ENOSF1: variants seen among roughly 807,000 people sequenced by gnomAD.
The protein encoded by ENOSF1 is mitochondrial enolase superfamily member 1.
ENOSF1 carries 73 observed loss-of-function variants against 68.2 expected under a neutral mutation model. That is an observed-to-expected ratio of 1.07 (90% CI 0.89 to 1.30). ENOSF1 has a LOEUF of 1.30. Among genes scored for constraint, ENOSF1 ranks in the 50% most tolerant of loss-of-function variants. ENOSF1 has a pLI of 0.00. For synonymous variants in ENOSF1, 223 were observed against 210.4 expected (o/e 1.06, Z -0.52); for missense variants, 589 against 554.5 (o/e 1.06, Z -0.62).
chr18:668,248 T>TTA (rs1449126365), downstream of ENOSF1, among the ~76,000 whole-genome samples: 4 of 150,814 alleles, frequency 2.7e-5, no homozygotes, highest in Non-Finnish European at 5.9e-5. Context: ...ATCTTTGATG[T>TTA]TACCTTTTTC....
intron 1 of ENOSF1, 54 bp from the exon 2 acceptor site, chr18:706,632 G>A: frequency 7.6e-7 from 1 of 1,316,824 alleles, no homozygotes; most frequent in African/African-American, 1.4e-5. Context: ...AACCCGAAAA[G>A]AACCATGAGA....
At position 704,351 on chromosome 18, in the gene ENOSF1, C is replaced by T. The variant is rs756781404; in HGVS notation, c.193+2119G>A. 5.4e-5 allele frequency among the ~76,000 whole-genome samples: 8 copies of T among 147,000 alleles called. No individual in the cohort carries two copies. The Admixed American group carries it at 5.6e-4, about 10-fold the overall frequency. On this transcript the variant is annotated intron_variant, in intron 2 of 15. Coordinates refer to ENST00000647584, the MANE Select transcript of ENOSF1 (RefSeq NM_017512.7). ...GGCTGAGGCATAAGAATTGCTTGAA[C>T]CCGGGAGGTGGAGGTTGTAGTGAGC...
chr18:700,779 T>C (rs1182059905), intron 2 of ENOSF1, among the ~76,000 whole-genome samples: 1 of 146,958 alleles, frequency 6.8e-6, no homozygotes, highest in Non-Finnish European at 1.5e-5. Flanking sequence ...CAGCTACTTG[T>C]GGGGGCTGAG....
chr18:678,457 A>G (rs1568020409), intron 12 of ENOSF1: 4 of 511,374 alleles, frequency 7.8e-6, no homozygotes, highest in Non-Finnish European at 1.0e-5. Context: ...TTCAATTTCA[A>G]TTAGACACTT....
Position 697,325 on chromosome 18 carries a change from T to C in ENOSF1, c.224A>G (p.His75Arg), listed in dbSNP as rs1361498328. 1.2e-6 allele frequency: 2 copies of C among 1,613,966 alleles called. No individual in the cohort carries two copies. The highest frequency in any genetic ancestry group is 1.7e-5 in the Admixed American group (1 of 59,998). ...GTCCTTGAGGTCCTTGTTGAGCACA[T>C]GGTGGGCGAGGGCATTCACAGCACA... ...VVCAVNALAH[H>R]VLNKDLKDIV... Residue 75 changes from histidine to arginine, a missense_variant, in exon 3 of 16, where the codon CAT becomes CGT. Transcript: ENST00000647584.
At position 672,150 on chromosome 18, in the gene ENOSF1, C is replaced by T. The variant is rs1313885646; in HGVS notation, c.*2155G>A. On this transcript the variant is annotated 3_prime_UTR_variant, in exon 16 of 16. Coordinates refer to ENST00000647584, the MANE Select transcript of ENOSF1 (RefSeq NM_017512.7). ...AAACTTCAAAAGTCTGTTGAAATCC[C>T]TAAGTTATAGCAGCCAACAATTGAT... The T allele has an allele frequency of 6.6e-6, 1 of 152,198 alleles. No individual in the cohort carries two copies. The highest frequency in any genetic ancestry group is 1.5e-5 in the Non-Finnish European group (1 of 68,050). The allele number at this position is 152,198 out of a possible 1,614,324, so 9.4% of individuals were successfully genotyped here. A position where few individuals can be genotyped will look rare whatever the true frequency, so the allele number is the denominator to read the frequency against.
rs759853185 is a variant in ENOSF1 at position 672,963 on chromosome 18, C to T, written c.*1342G>A. On this transcript the variant is annotated 3_prime_UTR_variant, in exon 16 of 16. Transcript: ENST00000647584. ...GACTTTCAGATTGAAGGGTACAATC[C>T]GCATCCAACTATTAAAATGGAAATG... 12 of 1,577,012 alleles carry T rather than the reference C, an allele frequency of 7.6e-6. No homozygotes were observed. The highest frequency in any genetic ancestry group is 2.3e-5 in the East Asian group (1 of 44,284).
chr18:690,975 T>C (rs1323043450), intron 7 of ENOSF1, 93 bp downstream of exon 7: 2 of 1,429,840 alleles, frequency 1.4e-6, no homozygotes, highest in Non-Finnish European at 2.0e-6. Context: ...GCACAGGGCA[T>C]TTGGGAAGAC....
intron 2 of ENOSF1, among the ~76,000 whole-genome samples, chr18:704,716 G>A (rs771686726): frequency 1.3e-5 from 2 of 150,098 alleles, no homozygotes; most frequent in Admixed American, 6.7e-5. Flanking sequence ...AGCAATTCTC[G>A]TGCTTCAGCC....
rs557528094 is a variant in ENOSF1, at chr18:673,184, A to G, written c.*1121T>C. 92 of 547,694 alleles carry G rather than the reference A, an allele frequency of 1.7e-4. No homozygotes were observed. Among genetic ancestry groups the G allele is most frequent in the Admixed American group, 1.0e-3 (30 of 29,306 alleles). 33.9% of individuals were successfully genotyped at this position (547,694 alleles called of 1,614,324 possible). ...TAACTGTGCCAGTTCTTTCCATAAT[A>G]AAAGGCTTTGAGTTAACTCACTGAG... On this transcript the variant is annotated 3_prime_UTR_variant, in exon 16 of 16. Coordinates refer to ENST00000647584, the MANE Select transcript of ENOSF1 (RefSeq NM_017512.7).
intron 9 of ENOSF1, 70 bp downstream of exon 9, chr18:688,504 C>A (rs991515723): frequency 3.1e-6 from 5 of 1,610,406 alleles, no homozygotes; most frequent in South Asian, 2.2e-5. Flanking sequence ...TGGCTCCCTG[C>A]CAGGAGAGAC....
At position 683,290 on chromosome 18, in the gene ENOSF1, G is replaced by C; in HGVS notation, c.832C>G (p.Pro278Ala). The change falls in exon 11 of 16, where the codon CCA becomes GCA. Residue 278 changes from proline (P) to alanine (A), a missense_variant. Coordinates refer to ENST00000647584, the MANE Select transcript of ENOSF1 (RefSeq NM_017512.7). ...CCCAGAATGTCATCAGGGGAGGTTGGCTCCTCAATCCACAATGGCTTGAAC... is the reference window on the plus strand; with the variant it reads ...CCCAGAATGTCATCAGGGGAGGTTGCCTCCTCAATCCACAATGGCTTGAAC... ...AKFKPLWIEE[P>A]TSPDDILGHA... 1 of 1,614,036 alleles carries C rather than the reference G, an allele frequency of 6.2e-7. No homozygotes were observed. Among genetic ancestry groups the C allele is most frequent in the Non-Finnish European group, 8.5e-7 (1 of 1,179,992 alleles).
intron 5 of ENOSF1, 83 bp downstream of exon 5, chr18:693,799 A>T: frequency 6.3e-7 from 1 of 1,598,748 alleles, no homozygotes. Flanking sequence ...TCCTGAATAT[A>T]TTTACTGATC....
rs74348141 is a variant in ENOSF1, at chr18:703,216, G to A, written c.193+3254C>T. Among the ~76,000 whole-genome samples, 31 of 152,226 alleles carry A rather than the reference G, an allele frequency of 2.0e-4. No individual in the cohort carries two copies. The East Asian group carries it at 5.8e-3, about 28-fold the overall frequency. ...GAGACATCCACCAAGACAGCGGTGTGGGGCTGGGAATGGAGGAGGAGAGGG... is the reference window on the plus strand; with the variant it reads ...GAGACATCCACCAAGACAGCGGTGTAGGGCTGGGAATGGAGGAGGAGAGGG... On this transcript the variant is annotated intron_variant, in intron 2 of 15. Coordinates refer to ENST00000647584, the MANE Select transcript of ENOSF1 (RefSeq NM_017512.7).
rs1379928586 is a variant in ENOSF1, at chr18:670,989, G to GT, written c.*3315dup. 6 of 1,243,164 alleles carry GT rather than the reference G, an allele frequency of 4.8e-6. No individual in the cohort carries two copies. The highest frequency in any genetic ancestry group is 6.6e-6 in the Non-Finnish European group (6 of 906,396). The allele number at this position is 1,243,164 out of a possible 1,614,324, so 77.0% of individuals were successfully genotyped here. On this transcript the variant is annotated 3_prime_UTR_variant, in exon 16 of 16. Transcript: ENST00000647584. ...TAGCTTTTAAATTTGATATGTGTAAGTAAGAAATGAACCAGCTTTTACTTT... is the reference window on the plus strand; with the variant it reads ...TAGCTTTTAAATTTGATATGTGTAAGTTAAGAAATGAACCAGCTTTTACTTT...
At chr18:695,300 A>G (rs2077602734) in intron 3 of ENOSF1, among the ~76,000 whole-genome samples, 1 of 152,212 alleles carries the variant, frequency 6.6e-6, no homozygotes, top group Admixed American at 6.5e-5. Flanking sequence ...ATTTTTTGGC[A>G]TCAATACTAC....
chr18:671,047 C>T lies in ENOSF1; in HGVS notation c.*3258G>A, dbSNP rs1362867432. ...TCCTCTTCTGGAAGGTTTTCTGGCC[C>T]TGTGGTATACGCACTAACAGATCTA... On this transcript the variant is annotated 3_prime_UTR_variant, in exon 16 of 16. Transcript: ENST00000647584. 1.4e-6 allele frequency: 1 copy of T among 708,786 alleles called. No individual in the cohort carries two copies. The highest frequency in any genetic ancestry group is 2.3e-6 in the Non-Finnish European group (1 of 435,812). 43.9% of individuals were successfully genotyped at this position (708,786 alleles called of 1,614,324 possible).
chr18:706,815 AT>A (rs71297337), intron 1 of ENOSF1: 3,215 of 130,972 alleles, frequency 0.025, 44 homozygotes, highest in East Asian at 0.059. Flanking sequence ...ATATATATAT[AT>A]TTTTTTTTTT....
intron 5 of ENOSF1, chr18:692,610 A>G: frequency 4.4e-6 from 3 of 689,174 alleles, no homozygotes; most frequent in Non-Finnish European, 5.3e-6. Flanking sequence ...AAAAAAAAAA[A>G]GAAAGAAAGA....
Sources: gnomAD v4.1 joint callset for allele counts (sites outside exome capture counted in the v4.1 genomes callset) on GRCh38, gnomAD v4.1.1 for gene constraint, MANE v1.5 for transcripts, NCBI Gene and HGNC (gene_info 2026-07-23, HGNC 2026-07-21) for gene names.